Variants in STK33 observed in about 807,000 individuals in gnomAD.
STK33 encodes the protein serine/threonine-protein kinase 33.
STK33 carries 52 observed loss-of-function variants against 58.0 expected under a neutral mutation model. The observed-to-expected ratio is 0.90, with a 90% CI of 0.72 to 1.13. STK33 has a LOEUF of 1.13. STK33 is among the 50% of genes most tolerant of loss of function. The pLI, the probability that STK33 is intolerant of heterozygous loss-of-function variation, is 0.00. For synonymous variants in STK33, 215 were observed against 200.1 expected (o/e 1.07, Z -0.63); for missense variants, 630 against 604.2 (o/e 1.04, Z -0.45).
At chr11:8,584,731 G>A (rs958454569) in intron 1 of STK33, among the ~76,000 whole-genome samples, 1 of 152,090 alleles carries the variant, frequency 6.6e-6, no homozygotes, top group African/African-American at 2.4e-5. Flanking sequence ...AAGTGCCAGG[G>A]CAAACAGGAG....
intron 11 of STK33, among the ~76,000 whole-genome samples, chr11:8,446,606 G>C (rs187649013): frequency 3.0e-4 from 45 of 152,164 alleles, no homozygotes; most frequent in African/African-American, 9.6e-4. Context: ...CCTGGTACTG[G>C]TACCAAAACA....
the STK33 span, among the ~76,000 whole-genome samples, chr11:8,369,399 C>T: frequency 1.3e-5 from 2 of 151,384 alleles, no homozygotes; most frequent in Non-Finnish European, 2.9e-5. Context: ...GCCCCAGGGG[C>T]AGTGGGAGGG....
At chr11:8,399,773 A>G (rs1357638127) in intron 15 of STK33, among the ~76,000 whole-genome samples, 2 of 152,314 alleles carry the variant, frequency 1.3e-5, no homozygotes, top group Non-Finnish European at 2.9e-5. Flanking sequence ...GCAACAAAAA[A>G]TGATAAAGGG....
At chr11:8,373,326 G>T in the STK33 span, among the ~76,000 whole-genome samples, 2 of 152,156 alleles carry the variant, frequency 1.3e-5, no homozygotes, top group Non-Finnish European at 2.9e-5. Context: ...TTGATGAGGG[G>T]GCTACAAAGT....
At chr11:8,358,780 T>G in the STK33 span, among the ~76,000 whole-genome samples, 31 of 152,300 alleles carry the variant, frequency 2.0e-4, no homozygotes, top group African/African-American at 7.2e-4. Flanking sequence ...CTGACATAAA[T>G]GAATAAATTG....
At chr11:8,575,529 G>A (rs1377149124) in intron 1 of STK33, among the ~76,000 whole-genome samples, 1 of 152,174 alleles carries the variant, frequency 6.6e-6, no homozygotes, top group African/African-American at 2.4e-5. Flanking sequence ...CTATTTATAT[G>A]AAATAGCTAA....
chr11:8,438,462 C>T (rs1944341365), intron 12 of STK33, among the ~76,000 whole-genome samples: 1 of 151,856 alleles, frequency 6.6e-6, no homozygotes, highest in South Asian at 2.1e-4. Flanking sequence ...GAAAATAAAC[C>T]CCCTGGAGAA....
At chr11:8,539,731 T>C (rs1238531681) in intron 1 of STK33, among the ~76,000 whole-genome samples, 1 of 152,148 alleles carries the variant, frequency 6.6e-6, no homozygotes, top group Non-Finnish European at 1.5e-5. Flanking sequence ...AGACATATGA[T>C]TTATTTGGCA....
the STK33 span, among the ~76,000 whole-genome samples, chr11:8,379,998 A>G: frequency 6.6e-6 from 1 of 152,150 alleles, no homozygotes; most frequent in Non-Finnish European, 1.5e-5. Context: ...CATGGTGTTT[A>G]TATACCACAT....
intron 6 of STK33, among the ~76,000 whole-genome samples, chr11:8,472,580 C>G (rs1333917634): frequency 6.6e-6 from 1 of 152,024 alleles, no homozygotes; most frequent in Admixed American, 6.5e-5. Flanking sequence ...TGTGGTGCCC[C>G]AAAGCAATTT....
intron 11 of STK33, among the ~76,000 whole-genome samples, chr11:8,447,571 T>C (rs1945668859): frequency 6.6e-6 from 1 of 152,162 alleles, no homozygotes; most frequent in Non-Finnish European, 1.5e-5. Context: ...AAAAGGCCTT[T>C]GACAAAATTC....
At chr11:8,522,106 C>G (rs552255223) in intron 1 of STK33, among the ~76,000 whole-genome samples, 1 of 152,168 alleles carries the variant, frequency 6.6e-6, no homozygotes, top group Non-Finnish European at 1.5e-5. Context: ...TACCATTTGA[C>G]CCAGCCATCT....
At chr11:8,443,116 T>A (rs996537818) in intron 11 of STK33, among the ~76,000 whole-genome samples, 1 of 152,156 alleles carries the variant, frequency 6.6e-6, no homozygotes, top group Non-Finnish European at 1.5e-5. Flanking sequence ...AAGCAGATTT[T>A]AAAAAATCTA....
intron 1 of STK33, among the ~76,000 whole-genome samples, chr11:8,482,222 T>C (rs1949864016): frequency 6.6e-6 from 1 of 152,174 alleles, no homozygotes; most frequent in African/African-American, 2.4e-5. Flanking sequence ...GTGCCATGGC[T>C]GTTAAATTCA....
intron 1 of STK33, among the ~76,000 whole-genome samples, chr11:8,555,384 C>T (rs569777214): frequency 2.0e-5 from 3 of 152,230 alleles, no homozygotes; most frequent in South Asian, 4.1e-4. Context: ...AAGAAACTGG[C>T]TGGGCACTGT....
At chr11:8,399,158 C>T in intron 15 of STK33, among the ~76,000 whole-genome samples, 2 of 152,278 alleles carry the variant, frequency 1.3e-5, no homozygotes. Flanking sequence ...AATCAACAGA[C>T]TATACATTCT....
the STK33 span, among the ~76,000 whole-genome samples, chr11:8,357,332 C>A: frequency 6.6e-6 from 1 of 152,238 alleles, no homozygotes; most frequent in Non-Finnish European, 1.5e-5. Context: ...CAGCAGCCCG[C>A]GGAGCCAGGA....
In STK33 at chr11:8,452,820, A is replaced by G; in HGVS notation, c.871+2T>C. The G allele has an allele frequency of 1.9e-6, 3 of 1,613,352 alleles. No homozygotes were observed. The highest frequency in any genetic ancestry group is 2.5e-6 in the Non-Finnish European group (3 of 1,179,354). ...AAATTAATTTTAAGTCTACTAACTT[A>G]CCCATATAGATAGGAGTCCCACATG... On this transcript the variant is annotated splice_donor_variant, in intron 11 of 15. Transcript: ENST00000687296. LOFTEE classifies it high-confidence loss of function.
At chr11:8,370,093 C>T in the STK33 span, among the ~76,000 whole-genome samples, 1 of 152,214 alleles carries the variant, frequency 6.6e-6, no homozygotes, top group Non-Finnish European at 1.5e-5. Context: ...GGGCCACCTG[C>T]CCTCCCAAGG....
Sources: gnomAD v4.1 joint callset for allele counts (sites outside exome capture counted in the v4.1 genomes callset) on GRCh38, gnomAD v4.1.1 for gene constraint, MANE v1.5 for transcripts, NCBI Gene and HGNC (gene_info 2026-07-23, HGNC 2026-07-21) for gene names.